DOCK6: variants seen among roughly 807,000 people sequenced by gnomAD.
DOCK6 encodes dedicator of cytokinesis protein 6.
In DOCK6, 167 loss-of-function variants were observed where a neutral mutation model predicts 230.3. That is an observed-to-expected ratio of 0.73 (90% CI 0.64 to 0.82). DOCK6 has a LOEUF of 0.82. Among genes scored for constraint, DOCK6 ranks in the 40% least tolerant of loss-of-function variants. The pLI, the probability that DOCK6 is intolerant of heterozygous loss-of-function variation, is 0.00. For synonymous variants in DOCK6, 1,148 were observed against 1,185.0 expected, an observed-to-expected ratio of 0.97 and a Z score of 0.64; for missense variants, 2,598 against 2,825.8, an observed-to-expected ratio of 0.92 and a Z score of 1.83.
rs190794062 is a variant in DOCK6 at position 11,251,385 on chromosome 19, A to C, written c.508-299T>G. On this transcript the variant is annotated intron_variant, in intron 5 of 47. Coordinates refer to ENST00000294618, the MANE Select transcript of DOCK6 (RefSeq NM_020812.4). ...TCTACCCACCCTAGGGACTGGCTCC[A>C]AGGGCCTGGGCTGGGCCAATGAAAG... 1.5e-4 allele frequency: 49 copies of C among 317,402 alleles called. No homozygotes were observed. In the East Asian group the frequency reaches 2.8e-3, roughly 18 times the overall value. The allele number at this position is 317,402 out of a possible 1,614,324, so 19.7% of individuals were successfully genotyped here. A position where few individuals can be genotyped will look rare whatever the true frequency, so the allele number is the denominator to read the frequency against.
intron 5 of DOCK6, 147 bp from the exon 6 acceptor site, chr19:11,251,233 T>G: frequency 1.3e-6 from 1 of 769,734 alleles, no homozygotes; most frequent in South Asian, 1.9e-5. Context: ...ACCTGGGGGT[T>G]TTGCCTACCC....
intron 1 of DOCK6, among the ~76,000 whole-genome samples, chr19:11,255,798 T>C (rs988669199): frequency 4.0e-4 from 61 of 152,086 alleles, no homozygotes; most frequent in Admixed American, 3.9e-3. Context: ...TTTTTCTTTT[T>C]CTTTTTGAGA....
intron 14 of DOCK6, 35 bp from the exon 15 acceptor site, chr19:11,238,339 G>A (rs963940685): frequency 6.4e-7 from 1 of 1,559,548 alleles, no homozygotes; most frequent in Non-Finnish European, 8.7e-7. Flanking sequence ...CAGAGGGACA[G>A]GGGCCCTGAA....
Position 11,243,977 on chromosome 19 carries a change from C to CG in DOCK6, c.1024-96dup. ...GCCTCCTGGACCCCTCATGGGCCCT[C>CG]GGACACTCCTAACATATGAAGGCCT... is the stretch of plus-strand genomic sequence containing the variant. On this transcript the variant is annotated intron_variant, in intron 9 of 47. Transcript: ENST00000294618. The surrounding 1 kb of genome is among the most constrained non-coding windows in gnomAD (Gnocchi z 6.3). 1 of 1,328,122 alleles carries CG rather than the reference C, an allele frequency of 7.5e-7. No homozygotes were observed. Among genetic ancestry groups the CG allele is most frequent in the Admixed American group, 2.0e-5 (1 of 50,588 alleles). 82.3% of individuals were successfully genotyped at this position (1,328,122 alleles called of 1,614,324 possible).
chr19:11,237,880 G>T, intron 16 of DOCK6, 101 bp from the exon 17 acceptor site: 2 of 1,422,874 alleles, frequency 1.4e-6, no homozygotes, highest in Non-Finnish European at 1.9e-6. Context: ...AGGCCCCACT[G>T]TCTCTGCTGT....
At chr19:11,237,334 G>T in intron 18 of DOCK6, 122 bp downstream of exon 18, 1 of 1,006,016 alleles carries the variant, frequency 9.9e-7, no homozygotes. Context: ...GAGCTACACG[G>T]GGGCCCTGGA....
intron 20 of DOCK6, chr19:11,235,972 C>T: frequency 1.7e-6 from 1 of 591,524 alleles, no homozygotes. Context: ...CCTCCGCCTC[C>T]CAGGTTCAAG....
At chr19:11,226,572 C>T (rs189789108) in intron 24 of DOCK6, among the ~76,000 whole-genome samples, 4 of 152,080 alleles carry the variant, frequency 2.6e-5, no homozygotes, top group Admixed American at 1.3e-4. Context: ...GCAGGAGAAT[C>T]GCTTGAACCT....
At position 11,253,895 on chromosome 19, in the gene DOCK6, A is replaced by G. The variant is rs1356466847; in HGVS notation, c.45-169T>C. 2.1e-5 allele frequency: 11 copies of G among 534,584 alleles called. No individual in the cohort carries two copies. In the Admixed American group the frequency reaches 2.9e-4, roughly 14 times the overall value. The allele number at this position is 534,584 out of a possible 1,614,324, so 33.1% of individuals were successfully genotyped here. A position where few individuals can be genotyped will look rare whatever the true frequency, so the allele number is the denominator to read the frequency against. On this transcript the variant is annotated intron_variant, in intron 1 of 47. Coordinates refer to ENST00000294618, the MANE Select transcript of DOCK6 (RefSeq NM_020812.4). Reference sequence around the variant, plus strand: ...GGCCCACAGCTCCCCAGTTCCCCCAACGCGTTCCCCATCAAGCACAGATCA... The same window carrying G: ...GGCCCACAGCTCCCCAGTTCCCCCAGCGCGTTCCCCATCAAGCACAGATCA...
At chr19:11,217,165 A>T in intron 29 of DOCK6, 66 bp downstream of exon 29, 1 of 1,598,092 alleles carries the variant, frequency 6.3e-7, no homozygotes, top group Non-Finnish European at 8.5e-7. Flanking sequence ...GCCAATCTGT[A>T]TCTTGATACA....
At chr19:11,206,072 C>T (rs1740274749) in intron 39 of DOCK6, 1 of 152,166 alleles carries the variant, frequency 6.6e-6, no homozygotes, top group Admixed American at 6.5e-5. Flanking sequence ...TCAAATGTAA[C>T]TGCCAGTTCC....
At chr19:11,215,596 A>C in intron 31 of DOCK6, 125 bp from the exon 32 acceptor site, 1 of 1,287,294 alleles carries the variant, frequency 7.8e-7, no homozygotes, top group Non-Finnish European at 1.1e-6. Flanking sequence ...GGTGGAGCAG[A>C]AGCCTGCCGG....
chr19:11,250,236 C>T (rs922448879), intron 6 of DOCK6, among the ~76,000 whole-genome samples: 5 of 151,476 alleles, frequency 3.3e-5, no homozygotes, highest in African/African-American at 9.7e-5. Context: ...GTCTCAAACT[C>T]CTGACCTCAG....
At position 11,201,862 on chromosome 19, in the gene DOCK6, C is replaced by A; in HGVS notation, c.5688+27G>T. 6.6e-7 allele frequency: 1 copy of A among 1,524,046 alleles called. No individual in the cohort carries two copies. Among genetic ancestry groups the A allele is most frequent in the Non-Finnish European group, 8.9e-7 (1 of 1,127,084 alleles). 94.4% of individuals were successfully genotyped at this position (1,524,046 alleles called of 1,614,324 possible). On this transcript the variant is annotated intron_variant, in intron 44 of 47. Coordinates refer to ENST00000294618, the MANE Select transcript of DOCK6 (RefSeq NM_020812.4). This position sits in a 1 kb window ranked among gnomAD's most constrained non-coding sequence, Gnocchi z 4.3. ...TCTGATGTCCCCTCACCTCCCCACC[C>A]CCGCCAGGCCCAGGATCCCCACCCA...
At chr19:11,240,237 G>A (rs1599264505) in intron 14 of DOCK6, 1 of 1,579,866 alleles carries the variant, frequency 6.3e-7, no homozygotes, top group East Asian at 2.3e-5. Context: ...GCAGCGGCTA[G>A]AAGTCCAGCT....
chr19:11,242,479 C>T (rs1568254466), intron 13 of DOCK6, among the ~76,000 whole-genome samples: 1 of 152,092 alleles, frequency 6.6e-6, no homozygotes, highest in Non-Finnish European at 1.5e-5. Context: ...GCAACCTCTG[C>T]CTCCCCAGTT....
At chr19:11,218,013 G>A (rs986831754) in intron 28 of DOCK6, among the ~76,000 whole-genome samples, 13 of 151,640 alleles carry the variant, frequency 8.6e-5, no homozygotes, top group African/African-American at 1.5e-4. Context: ...CACCACACCC[G>A]GCTAATTTTT....
chr19:11,259,120 C>A (rs757761855), intron 1 of DOCK6, among the ~76,000 whole-genome samples: 2 of 152,078 alleles, frequency 1.3e-5, no homozygotes, highest in African/African-American at 4.8e-5. Context: ...GGCGCAATCA[C>A]GGCTCACTGC....
At chr19:11,217,170 G>A (rs1270280474) in intron 29 of DOCK6, 61 bp downstream of exon 29, 38 of 1,598,210 alleles carry the variant, frequency 2.4e-5, no homozygotes, top group Non-Finnish European at 2.9e-5. Flanking sequence ...TCTGTATCTT[G>A]ATACATGACT....
Sources: gnomAD v4.1 joint callset for allele counts (sites outside exome capture counted in the v4.1 genomes callset) on GRCh38, gnomAD v4.1.1 for gene constraint, Gnocchi (gnomAD v3.1) non-coding constraint, MANE v1.5 for transcripts, NCBI Gene and HGNC (gene_info 2026-07-23, HGNC 2026-07-21) for gene names.